TSGA10IP: variants seen among roughly 807,000 people sequenced by gnomAD.
TSGA10IP encodes the protein testis specific 10 interacting protein.
A neutral mutation model predicts 63.2 loss-of-function variants in TSGA10IP; 64 were observed. The observed-to-expected ratio is 1.01, with a 90% CI of 0.83 to 1.25. The LOEUF (loss-of-function observed/expected upper bound fraction) is 1.25, where lower values mean the gene tolerates loss of function less well. TSGA10IP is among the 50% of genes most tolerant of loss of function. The pLI is 0.00. For synonymous variants in TSGA10IP, 316 were observed against 298.3 expected, an observed-to-expected ratio of 1.06 and a Z score of -0.61; for missense variants, 681 against 710.1, an observed-to-expected ratio of 0.96 and a Z score of 0.47.
chr11:65,958,323 A>G (rs1314907701), intron 5 of TSGA10IP, among the ~76,000 whole-genome samples: 1 of 152,114 alleles, frequency 6.6e-6, no homozygotes, highest in Non-Finnish European at 1.5e-5. Flanking sequence ...TTAAATTTGA[A>G]ACATATTTTT....
intron 5 of TSGA10IP, 92 bp from the exon 6 acceptor site, chr11:65,958,791 T>A: frequency 1.0e-6 from 1 of 984,136 alleles, no homozygotes; most frequent in Non-Finnish European, 1.5e-6. Flanking sequence ...AGGACATGAA[T>A]ATCAAGTCCT....
chr11:65,959,063 G>T (rs1352790969), intron 6 of TSGA10IP, 81 bp downstream of exon 6: 2 of 1,572,680 alleles, frequency 1.3e-6, no homozygotes, highest in East Asian at 2.3e-5. Flanking sequence ...GATGCGAGTA[G>T]GTCCCTGCAG....
chr11:65,953,614 A>G, exon 5 of TSGA10IP: 1 of 1,586,812 alleles, frequency 6.3e-7, no homozygotes. Flanking sequence ...GAGCGGCAGC[A>G]GGCCGAGCTG....
chr11:65,956,101 C>T (rs113000751), intron 5 of TSGA10IP, among the ~76,000 whole-genome samples: 5,302 of 150,342 alleles, frequency 0.035, 313 homozygotes, highest in African/African-American at 0.12. Context: ...GACGGCTCAG[C>T]GGGGTTCTTA....
Position 65,947,414 on chromosome 11 carries a change from G to T in TSGA10IP, c.589G>T (p.Gly197Cys), listed in dbSNP as rs747536456. Residue 197 changes from glycine (G) to cysteine (C), a missense_variant, in exon 3 of 8, where the codon GGT becomes TGT. Transcript: ENST00000532620. ...GGAGCTAGGATCAGAGCCCCCCAGT[G>T]GTCTCCAGCTGCCTGGGAGGAGGCC... 8 of 1,613,384 alleles carry T rather than the reference G, an allele frequency of 5.0e-6. No individual in the cohort carries two copies. The highest frequency in any genetic ancestry group is 6.8e-6 in the Non-Finnish European group (8 of 1,179,702).
chr11:65,950,562 T>TG (rs1854925813), intron 4 of TSGA10IP, among the ~76,000 whole-genome samples: 1 of 136,584 alleles, frequency 7.3e-6, no homozygotes, highest in South Asian at 2.2e-4. Context: ...CCTGGCTAAT[T>TG]TTTTTTTTTT....
chr11:65,953,802 T>G, intron 5 of TSGA10IP, 65 bp downstream of exon 5: 1 of 1,337,022 alleles, frequency 7.5e-7, no homozygotes, highest in Non-Finnish European at 9.8e-7. Context: ...CAGGTCTCAG[T>G]CTACAGGACC....
intron 5 of TSGA10IP, among the ~76,000 whole-genome samples, chr11:65,955,966 C>CA (rs1405654613): frequency 6.6e-6 from 1 of 152,038 alleles, no homozygotes; most frequent in Non-Finnish European, 1.5e-5. Context: ...TAAATATGAC[C>CA]AAAACCAGTG....
intron 4 of TSGA10IP, among the ~76,000 whole-genome samples, chr11:65,953,194 C>T (rs1854968197): frequency 6.6e-6 from 1 of 152,020 alleles, no homozygotes; most frequent in Non-Finnish European, 1.5e-5. Flanking sequence ...CCACGCCTGG[C>T]TAATTTTGGC....
At chr11:65,953,343 A>T (rs1239627564) in intron 4 of TSGA10IP, among the ~76,000 whole-genome samples, 2 of 151,946 alleles carry the variant, frequency 1.3e-5, no homozygotes, top group Non-Finnish European at 2.9e-5. Context: ...GAAGCAGGAG[A>T]CTTCTAGAAA....
chr11:65,946,904 G>A, exon 2 of TSGA10IP: 1 of 1,613,890 alleles, frequency 6.2e-7, no homozygotes, highest in Non-Finnish European at 8.5e-7. Context: ...TGGTGATGGT[G>A]TGCCAAATCA....
intron 7 of TSGA10IP, among the ~76,000 whole-genome samples, 178 bp from the exon 8 acceptor site, chr11:65,959,639 A>G (rs1204501500): frequency 6.6e-6 from 1 of 152,208 alleles, no homozygotes; most frequent in East Asian, 1.9e-4. Flanking sequence ...CCTGGTACAG[A>G]GCAGCGATTA....
chr11:65,958,747 A>G, intron 5 of TSGA10IP, 136 bp from the exon 6 acceptor site: 3 of 705,252 alleles, frequency 4.3e-6, no homozygotes, highest in Non-Finnish European at 7.1e-6. Context: ...CCAGGCAAGA[A>G]TGGGAATGAA....
At chr11:65,952,384 C>T (rs1366126325) in intron 4 of TSGA10IP, among the ~76,000 whole-genome samples, 2 of 151,950 alleles carry the variant, frequency 1.3e-5, no homozygotes, top group Admixed American at 6.6e-5. Context: ...GCCAAAAAAC[C>T]ATTGCCCAGA....
At chr11:65,953,731 A>T (rs543775336) in exon 5 of TSGA10IP, 2 of 1,524,750 alleles carry the variant, frequency 1.3e-6, no homozygotes, top group Non-Finnish European at 8.7e-7. Flanking sequence ...AAGCTGGAGG[A>T]GCTGAGGTAG....
intron 5 of TSGA10IP, among the ~76,000 whole-genome samples, chr11:65,954,826 A>G (rs965717811): frequency 1.3e-5 from 2 of 151,876 alleles, no homozygotes; most frequent in Non-Finnish European, 2.9e-5. Context: ...CTCAAAAAAA[A>G]AAAAAAAAGC....
exon 1 of TSGA10IP, chr11:65,945,582 C>G (rs1032772447): frequency 4.8e-6 from 7 of 1,457,766 alleles, no homozygotes; most frequent in Non-Finnish European, 9.4e-7. Context: ...TCCTAGCATG[C>G]TTTTTGCCAG....
In TSGA10IP at chr11:65,953,553, CT is replaced by C; in HGVS notation, c.1152-11del. 1 of 1,560,670 alleles carries C rather than the reference CT, an allele frequency of 6.4e-7. No individual in the cohort carries two copies. ...CCCGTGAACCTCTCATTCCCCTTCC[CT>C]TTCTCACCCAAGGAGCCTGCTGCAG... On this transcript the variant is annotated splice_polypyrimidine_tract_variant and intron_variant, in intron 4 of 7. Transcript: ENST00000532620.
rs1047502382 is a variant in TSGA10IP, at chr11:65,958,649, T to G, written c.1323-234T>G. Reference sequence around the variant, plus strand: ...AGGGCTCGGCCCCTCACTTCCCAGCTGCACAACTTTGAACAAGTCCCTCAA... The same window carrying G: ...AGGGCTCGGCCCCTCACTTCCCAGCGGCACAACTTTGAACAAGTCCCTCAA... On this transcript the variant is annotated intron_variant, in intron 5 of 7. Coordinates refer to ENST00000532620, the Ensembl canonical transcript of TSGA10IP. 4.6e-5 allele frequency among the ~76,000 whole-genome samples: 7 copies of G among 152,320 alleles called. No individual in the cohort carries two copies. In the East Asian group the frequency reaches 1.3e-3, roughly 29 times the overall value.
Sources: allele counts gnomAD v4.1 joint callset (sites outside exome capture counted in the v4.1 genomes callset), GRCh38; gene constraint gnomAD v4.1.1; transcripts MANE v1.5; gene names NCBI Gene and HGNC (gene_info 2026-07-23, HGNC 2026-07-21).